Variants in MTR observed in about 807,000 individuals in gnomAD.
MTR encodes the protein 5-methyltetrahydrofolate-homocysteine methyltransferase.
A neutral mutation model predicts 154.8 loss-of-function variants in MTR; 84 were observed. The observed-to-expected ratio is 0.54, with a 90% CI of 0.45 to 0.65. MTR has a LOEUF of 0.65. Among genes scored for constraint, MTR ranks in the 30% least tolerant of loss-of-function variants. MTR has a pLI of 0.00. For synonymous variants in MTR, 554 were observed against 553.9 expected, an observed-to-expected ratio of 1.00 and a Z score of 0.00; for missense variants, 1,275 against 1,570.2, an observed-to-expected ratio of 0.81 and a Z score of 3.18.
chr1:236,897,310 G>GCGCGCACACACACACACACACA, intron 32 of MTR, among the ~76,000 whole-genome samples, 192 bp downstream of exon 32: 4 of 128,676 alleles, frequency 3.1e-5, no homozygotes, highest in East Asian at 2.3e-4. Context: ...CCACACACAC[G>GCGCGCACACACACACACACACA]CACACACACA....
chr1:236,808,686 T>C lies in MTR; in HGVS notation c.340-18T>C. The stretch of plus-strand genomic sequence containing the variant: ...GAGGAAAAGAAGGACAAGCTAACGT[T>C]TGTGGTTGATACGTTAGGCCTACCG... On this transcript the variant is annotated intron_variant, in intron 3 of 32. Coordinates refer to ENST00000366577, the MANE Select transcript of MTR (RefSeq NM_000254.3). 6.2e-7 allele frequency: 1 copy of C among 1,612,768 alleles called. No homozygotes were observed. Among genetic ancestry groups the C allele is most frequent in the South Asian group, 1.1e-5 (1 of 91,060 alleles).
chr1:236,846,434 A>G (rs1663577231), intron 15 of MTR, among the ~76,000 whole-genome samples: 1 of 152,236 alleles, frequency 6.6e-6, no homozygotes, highest in Admixed American at 6.5e-5. Flanking sequence ...TAAACTATAT[A>G]AAAGAATAAT....
intron 27 of MTR, 75 bp downstream of exon 27, chr1:236,886,442 T>G: frequency 1.4e-6 from 2 of 1,424,038 alleles, no homozygotes; most frequent in Non-Finnish European, 2.0e-6. Flanking sequence ...ATGCATTTAC[T>G]TGGCTGCAAA....
chr1:236,804,527 G>A (rs936942636), intron 2 of MTR, among the ~76,000 whole-genome samples: 1 of 152,130 alleles, frequency 6.6e-6, no homozygotes, highest in Admixed American at 6.5e-5. Context: ...TATATACCAT[G>A]AGTATTAAAT....
At chr1:236,820,142 CGGT>C in intron 8 of MTR, 1 of 765,298 alleles carries the variant, frequency 1.3e-6, no homozygotes, top group Non-Finnish European at 2.4e-6. Flanking sequence ...GGAGCTCACT[CGGT>C]GGGTTTGATG....
intron 12 of MTR, 143 bp downstream of exon 12, chr1:236,829,411 C>G: frequency 1.3e-6 from 1 of 779,058 alleles, no homozygotes; most frequent in Non-Finnish European, 2.3e-6. Context: ...TAAATGAATT[C>G]TAGTGAAGAA....
chr1:236,862,333 TAGA>T lies in MTR; in HGVS notation c.2301_2303del (p.Glu768del), dbSNP rs1664591716. ...GAAACCAGAGTGCTTAACGGCACAG[TAGA>T]AGAAGAGGCAAGTCATTTTGTTCAG... On this transcript the variant is annotated inframe_deletion, in exon 21 of 33. Coordinates refer to ENST00000366577, the MANE Select transcript of MTR (RefSeq NM_000254.3). 6.2e-7 allele frequency: 1 copy of T among 1,613,232 alleles called. No individual in the cohort carries two copies. Among genetic ancestry groups the T allele is most frequent in the South Asian group, 1.1e-5 (1 of 91,068 alleles).
intron 18 of MTR, among the ~76,000 whole-genome samples, chr1:236,855,468 A>G (rs188908911): frequency 2.5e-4 from 38 of 152,296 alleles, no homozygotes; most frequent in Admixed American, 1.8e-3. Context: ...CAGGCCTCCT[A>G]TGGAGTGGAA....
chr1:236,895,349 G>C lies in MTR; in HGVS notation c.3406-9G>C, dbSNP rs1411654699. The C allele has an allele frequency of 6.3e-7, 1 of 1,587,610 alleles. No individual in the cohort carries two copies. Among genetic ancestry groups the C allele is most frequent in the African/African-American group, 1.3e-5 (1 of 74,610 alleles). On this transcript the variant is annotated splice_polypyrimidine_tract_variant and intron_variant, in intron 30 of 32. Coordinates refer to ENST00000366577, the MANE Select transcript of MTR (RefSeq NM_000254.3). The stretch of plus-strand genomic sequence containing the variant: ...CTGCCTAAGCATGCCTGCTGCTTTG[G>C]GTCCCAAGGCCTTTGCAGAAGAGCT...
intron 15 of MTR, among the ~76,000 whole-genome samples, chr1:236,839,740 A>G (rs549219875): frequency 1.2e-4 from 18 of 152,228 alleles, no homozygotes; most frequent in Admixed American, 5.9e-4. Context: ...GTGTATAAGG[A>G]TATGTGTTCA....
intron 25 of MTR, among the ~76,000 whole-genome samples, chr1:236,881,442 T>C (rs1386415604): frequency 6.6e-6 from 1 of 151,732 alleles, no homozygotes; most frequent in East Asian, 1.9e-4. Flanking sequence ...GGTCCAGGGG[T>C]TTCCAAATTG....
In MTR at chr1:236,885,188, A is replaced by T. The variant is rs977928036; in HGVS notation, c.2744A>T (p.Asp915Val). The T allele has an allele frequency of 2.5e-6, 4 of 1,606,806 alleles. No individual in the cohort carries two copies. The highest frequency in any genetic ancestry group is 2.6e-6 in the Non-Finnish European group (3 of 1,173,570). Residue 915 changes from aspartate (D) to valine (V), a missense_variant, in exon 26 of 33, where the codon GAT (aspartate) becomes GTT (valine). Coordinates refer to ENST00000366577, the MANE Select transcript of MTR (RefSeq NM_000254.3). Reference sequence around the variant, plus strand: ...GAGGAAATCATGGAAGAATATGAAGATATTAGACAGGACCATTATGAGTCT... The same window carrying T: ...GAGGAAATCATGGAAGAATATGAAGTTATTAGACAGGACCATTATGAGTCT... ...YFEEIMEEYE[D>V]IRQDHYESLK...
At chr1:236,886,472 ACT>A (rs1458737206) in intron 27 of MTR, 105 bp downstream of exon 27, 36 of 997,050 alleles carry the variant, frequency 3.6e-5, no homozygotes, top group Non-Finnish European at 5.2e-5. Flanking sequence ...GCAGCTAACG[ACT>A]CTCAACTGTG....
chr1:236,881,486 C>T (rs1572324841), intron 25 of MTR, among the ~76,000 whole-genome samples: 1 of 151,996 alleles, frequency 6.6e-6, no homozygotes, highest in East Asian at 2.0e-4. Context: ...TGTTAAGTGA[C>T]GTCTTACCTG....
intron 2 of MTR, among the ~76,000 whole-genome samples, chr1:236,804,865 G>A (rs529923478): frequency 2.0e-5 from 3 of 151,614 alleles, no homozygotes; most frequent in East Asian, 3.9e-4. Flanking sequence ...ATAGTACTCT[G>A]TGTATGTTTT....
At chr1:236,889,479 T>C in intron 28 of MTR, 143 bp downstream of exon 28, 1 of 1,086,798 alleles carries the variant, frequency 9.2e-7, no homozygotes. Flanking sequence ...CCCAACTTTT[T>C]AATGGTTTTC....
At chr1:236,819,456 T>TA (rs1476775347) in intron 8 of MTR, among the ~76,000 whole-genome samples, 1 of 152,246 alleles carries the variant, frequency 6.6e-6, no homozygotes, top group East Asian at 1.9e-4. Context: ...CGCTAAATAA[T>TA]ATTCCGTTGC....
intron 22 of MTR, among the ~76,000 whole-genome samples, chr1:236,869,448 T>G (rs1664998780): frequency 1.3e-5 from 2 of 152,232 alleles, no homozygotes; most frequent in Non-Finnish European, 2.9e-5. Flanking sequence ...TCCTCCTGCC[T>G]TGGCCTCTTA....
At chr1:236,873,497 A>G (rs1572305774) in intron 22 of MTR, among the ~76,000 whole-genome samples, 1 of 152,246 alleles carries the variant, frequency 6.6e-6, no homozygotes, top group Non-Finnish European at 1.5e-5. Flanking sequence ...ACCAGAAACC[A>G]TTGAATTGCA....
Sources: allele counts gnomAD v4.1 joint callset (sites outside exome capture counted in the v4.1 genomes callset), GRCh38; gene constraint gnomAD v4.1.1; transcripts MANE v1.5; gene names NCBI Gene and HGNC (gene_info 2026-07-23, HGNC 2026-07-21).